Variants in SLC1A6 observed in about 807,000 individuals in gnomAD.
SLC1A6 encodes the protein solute carrier family 1 member 6.
SLC1A6 carries 15 observed loss-of-function variants against 42.1 expected under a neutral mutation model. The observed-to-expected ratio is 0.36, with a 90% CI of 0.24 to 0.55. The LOEUF (loss-of-function observed/expected upper bound fraction) is 0.55, where lower values mean the gene tolerates loss of function less well. Ranked by LOEUF, SLC1A6 falls within the 20% of genes least tolerant of loss-of-function variation. The pLI, the probability that SLC1A6 is intolerant of heterozygous loss-of-function variation, is 0.88. For synonymous variants in SLC1A6, 317 were observed against 319.7 expected (o/e 0.99, Z 0.09); for missense variants, 542 against 772.5 (o/e 0.70, Z 3.54).
intron 7 of SLC1A6, among the ~76,000 whole-genome samples, chr19:14,956,252 TCTC>T (rs1467085723): frequency 6.6e-6 from 1 of 151,856 alleles, no homozygotes; most frequent in Non-Finnish European, 1.5e-5. Context: ...GGTACCTGGT[TCTC>T]CTCCACAGAA....
At position 14,998,935 on chromosome 19, in the gene SLC1A6, T is replaced by C. The variant is rs980412452; in HGVS notation, c.6+11550A>G. 2.0e-5 allele frequency among the ~76,000 whole-genome samples: 3 copies of C among 152,112 alleles called. No homozygotes were observed. The East Asian group carries it at 5.8e-4, about 29-fold the overall frequency. On this transcript the variant is annotated intron_variant, in intron 1 of 8. Transcript: ENST00000430939. ...CTCTGTCACCCAGGCTGGAGTGCAG[T>C]GGCACTATCTCGGCTCACTGCAGCC... is the stretch of plus-strand genomic sequence containing the variant.
chr19:14,960,260 A>G (rs2045497820), intron 6 of SLC1A6, among the ~76,000 whole-genome samples: 1 of 152,270 alleles, frequency 6.6e-6, no homozygotes, highest in African/African-American at 2.4e-5. Context: ...AATGAATGAA[A>G]GAATAACAAA....
chr19:14,954,674 A>G (rs1304989845), intron 7 of SLC1A6, among the ~76,000 whole-genome samples: 2 of 152,038 alleles, frequency 1.3e-5, no homozygotes, highest in African/African-American at 4.8e-5. Context: ...CCCCTTGAGA[A>G]CATTGAGCAG....
intron 1 of SLC1A6, among the ~76,000 whole-genome samples, chr19:14,986,932 T>C (rs908902371): frequency 2.6e-5 from 4 of 152,270 alleles, no homozygotes; most frequent in Middle Eastern, 6.8e-3. Context: ...TGACCCCTAG[T>C]ACAGTTTGGT....
chr19:14,963,725 G>C (rs956521723), intron 5 of SLC1A6, among the ~76,000 whole-genome samples: 1 of 152,118 alleles, frequency 6.6e-6, no homozygotes, highest in Non-Finnish European at 1.5e-5. Flanking sequence ...AACCAGAGTT[G>C]AGGGCCTCTC....
At chr19:14,966,918 C>T (rs1314729102) in intron 4 of SLC1A6, among the ~76,000 whole-genome samples, 1 of 152,050 alleles carries the variant, frequency 6.6e-6, no homozygotes, top group African/African-American at 2.4e-5. Context: ...AGGACAAATA[C>T]CTAATGCATG....
chr19:14,999,350 C>A (rs550936590), intron 1 of SLC1A6, among the ~76,000 whole-genome samples: 1 of 152,244 alleles, frequency 6.6e-6, no homozygotes, highest in African/African-American at 2.4e-5. Context: ...ATCTTTGAAT[C>A]CACCTATGAC....
At chr19:14,953,146 A>G in intron 8 of SLC1A6, 84 bp from the exon 9 acceptor site, 1 of 1,047,288 alleles carries the variant, frequency 9.5e-7, no homozygotes, top group East Asian at 2.4e-5. Flanking sequence ...AGAGAAGGGA[A>G]GAGATCAGCT....
intron 9 of SLC1A6, 120 bp from the exon 10 acceptor site, chr19:14,950,510 C>T (rs2045400906): frequency 1.7e-6 from 1 of 600,724 alleles, no homozygotes; most frequent in South Asian, 3.2e-5. Context: ...GCAGTACAAT[C>T]CATGACCACA....
intron 5 of SLC1A6, chr19:14,963,965 A>G (rs1005086290): frequency 2.3e-5 from 4 of 174,050 alleles, no homozygotes; most frequent in African/African-American, 4.8e-5. Flanking sequence ...AGTAGCTGAG[A>G]CAGGCGTGTC....
chr19:14,954,125 G>GC lies in SLC1A6; in HGVS notation c.1364+9dup. On this transcript the variant is annotated intron_variant, in intron 8 of 9. Transcript: ENST00000594383. ...TCACCTGCTGGCAGGTCCTACCCAA[G>GC]CCCCCTCACCTGATGGTTGTGATCT... 1 of 1,555,286 alleles carries GC rather than the reference G, an allele frequency of 6.4e-7. No homozygotes were observed. Among genetic ancestry groups the GC allele is most frequent in the Non-Finnish European group, 8.7e-7 (1 of 1,145,914 alleles).
chr19:15,000,291 G>A (rs1600039044), intron 1 of SLC1A6, among the ~76,000 whole-genome samples: 4 of 152,152 alleles, frequency 2.6e-5, no homozygotes, highest in Admixed American at 2.6e-4. Flanking sequence ...AACTATAGTT[G>A]CCACGATGTA....
chr19:14,955,683 C>A (rs900302379), intron 7 of SLC1A6, among the ~76,000 whole-genome samples: 5 of 151,506 alleles, frequency 3.3e-5, no homozygotes, highest in Admixed American at 6.6e-5. Flanking sequence ...ACATGTAATC[C>A]CAGCACTTTG....
At chr19:15,006,438 G>A (rs915828814) in intron 1 of SLC1A6, among the ~76,000 whole-genome samples, 10 of 152,114 alleles carry the variant, frequency 6.6e-5, no homozygotes, top group Non-Finnish European at 1.3e-4. Context: ...AGCCTCCATC[G>A]CCAAAGGTTA....
chr19:14,956,553 G>A lies in SLC1A6; in HGVS notation c.1092C>T (p.Leu364=), dbSNP rs781373267. Residue 364 remains leucine, a synonymous_variant, in exon 7 of 10, where the codon CTC becomes CTT. Transcript: ENST00000594383. ...AGIVLPLIYF[L]VTHRNPFPFI... is the part of the protein sequence containing the mutation. ...AGGGGAAGGGGTTCCGGTGAGTGACGAGGAAGTAGATGAGGGGAAGGACAA... is the reference window on the plus strand; with the variant it reads ...AGGGGAAGGGGTTCCGGTGAGTGACAAGGAAGTAGATGAGGGGAAGGACAA... 2.7e-5 allele frequency: 44 copies of A among 1,613,394 alleles called. 1 individual carries two copies. In the East Asian group the frequency reaches 3.1e-4, roughly 11 times the overall value.
At chr19:14,950,424 G>A in intron 9 of SLC1A6, 34 bp from the exon 10 acceptor site, 2 of 1,485,374 alleles carry the variant, frequency 1.3e-6, no homozygotes, top group Non-Finnish European at 1.8e-6. Context: ...GCCATTAATG[G>A]GGGCTTGAAA....
intron 6 of SLC1A6, among the ~76,000 whole-genome samples, chr19:14,957,856 G>A (rs2045476145): frequency 6.6e-6 from 1 of 152,210 alleles, no homozygotes; most frequent in African/African-American, 2.4e-5. Flanking sequence ...AAGGTACCCT[G>A]TGTATCTGGA....
chr19:14,983,719 CAAAAAA>C (rs56657572), upstream of SLC1A6, among the ~76,000 whole-genome samples: 743 of 52,284 alleles, frequency 0.014, 11 homozygotes, highest in African/African-American at 0.049. Context: ...ACAACAACAC[CAAAAAA>C]AAAAAAAAAA....
chr19:14,993,180 AC>A (rs928950754), intron 1 of SLC1A6, among the ~76,000 whole-genome samples: 4 of 152,094 alleles, frequency 2.6e-5, no homozygotes, highest in African/African-American at 9.7e-5. Context: ...GATTCAGGAT[AC>A]CCCCTCCCAA....
Sources: allele counts gnomAD v4.1 joint callset (sites outside exome capture counted in the v4.1 genomes callset), GRCh38; gene constraint gnomAD v4.1.1; transcripts MANE v1.5; gene names NCBI Gene and HGNC (gene_info 2026-07-23, HGNC 2026-07-21).